Variants in CLEC3A observed in about 807,000 individuals in gnomAD.
The protein encoded by CLEC3A is C-type (calcium dependent, carbohydrate-recognition domain) lectin, superfamily member 1 (cartilage-derived).
CLEC3A carries 28 observed loss-of-function variants against 20.4 expected under a neutral mutation model. That is an observed-to-expected ratio of 1.37 (90% CI 1.02 to 1.88). The LOEUF (loss-of-function observed/expected upper bound fraction) is 1.88. Ranked by LOEUF, CLEC3A falls within the 40% of genes most tolerant of loss-of-function variation. The pLI is 0.00. For missense variants in CLEC3A, 357 were observed against 240.4 expected (o/e 1.48, Z -3.21); for synonymous variants, 110 against 88.1 (o/e 1.25, Z -1.39).
intron 2 of CLEC3A, among the ~76,000 whole-genome samples, 200 bp from the exon 3 acceptor site, chr16:78,030,247 A>G (rs547430717): frequency 1.3e-5 from 2 of 152,242 alleles, no homozygotes; most frequent in South Asian, 4.1e-4. Flanking sequence ...ATAAAATACA[A>G]CTTCATGGGG....
chr16:78,023,369 T>C (rs1044835092), intron 1 of CLEC3A, among the ~76,000 whole-genome samples: 2 of 152,156 alleles, frequency 1.3e-5, no homozygotes, highest in Admixed American at 6.5e-5. Context: ...TTTGAAGGCA[T>C]TGTGATGCAA....
chr16:78,028,763 A>C (rs2029999504), intron 2 of CLEC3A, among the ~76,000 whole-genome samples: 1 of 152,254 alleles, frequency 6.6e-6, no homozygotes, highest in South Asian at 2.1e-4. Context: ...CCTTTGTAGC[A>C]ATTTCAAAAG....
At position 78,028,151 on chromosome 16, in the gene CLEC3A, G is replaced by T; in HGVS notation, c.160G>T (p.Glu54Ter). 1 of 1,611,438 alleles carries T rather than the reference G, an allele frequency of 6.2e-7. No individual in the cohort carries two copies. Among genetic ancestry groups the T allele is most frequent in the African/African-American group, 1.3e-5 (1 of 74,816 alleles). ...GACTCAAATTGAAAAGCTCTGGACAGAAGTCAATGCCTTGAAGGAAATTCA... is the reference window on the plus strand; with the variant it reads ...GACTCAAATTGAAAAGCTCTGGACATAAGTCAATGCCTTGAAGGAAATTCA... Reference protein sequence around the residue: ...LKTQIEKLWTEVNALKEIQAL... With the variant: ...LKTQIEKLWT Residue 54 changes from glutamate to a stop codon, truncating the protein, a stop_gained, in exon 2 of 3, where the codon GAA (glutamate) becomes TAA (stop). Transcript: ENST00000299642. LOFTEE classifies it high-confidence loss of function.
At chr16:78,029,394 A>G (rs920867118) in intron 2 of CLEC3A, among the ~76,000 whole-genome samples, 1 of 152,202 alleles carries the variant, frequency 6.6e-6, no homozygotes, top group Non-Finnish European at 1.5e-5. Context: ...TTTGAGACAG[A>G]GTCTTGCACT....
chr16:78,027,665 G>GT (rs893714854), intron 1 of CLEC3A, among the ~76,000 whole-genome samples: 5 of 150,136 alleles, frequency 3.3e-5, no homozygotes, highest in African/African-American at 1.2e-4. Context: ...TGTTTGTTTG[G>GT]TTTTTTTTCA....
intron 1 of CLEC3A, among the ~76,000 whole-genome samples, chr16:78,023,468 G>A (rs974063023): frequency 1.3e-5 from 2 of 152,062 alleles, no homozygotes; most frequent in Non-Finnish European, 2.9e-5. Flanking sequence ...ATGATAGCGA[G>A]GTGTTTGCAA....
chr16:78,027,465 T>C (rs1420565614), intron 1 of CLEC3A, among the ~76,000 whole-genome samples: 2 of 152,142 alleles, frequency 1.3e-5, no homozygotes, highest in African/African-American at 2.4e-5. Context: ...GAGATTGAGC[T>C]CATTCTCAGA....
At chr16:78,023,082 C>A (rs1346988249) in intron 1 of CLEC3A, among the ~76,000 whole-genome samples, 8 of 152,212 alleles carry the variant, frequency 5.3e-5, no homozygotes, top group South Asian at 4.1e-4. Flanking sequence ...TAATATGGGG[C>A]AAGAAGAATG....
rs1209052389 is a variant in CLEC3A, at chr16:78,030,601, T to C, written c.354T>C (p.Gly118=). The C allele has an allele frequency of 1.9e-6, 3 of 1,613,570 alleles. No individual in the cohort carries two copies. Among genetic ancestry groups the C allele is most frequent in the East Asian group, 2.2e-5 (1 of 44,870 alleles). The change falls in exon 3 of 3, where the codon GGT becomes GGC. Residue 118 remains glycine, a synonymous_variant. Transcript: ENST00000299642. The part of the protein sequence containing the change: ...SDEINALQDY[G]KRSLPGVNDF... ...AAATCAACGCCCTCCAAGACTATGGTAAAAGGAGCCTGCCAGGTGTCAATG... is the reference window on the plus strand; with the variant it reads ...AAATCAACGCCCTCCAAGACTATGGCAAAAGGAGCCTGCCAGGTGTCAATG...
chr16:78,031,886 GCTTA>G lies in CLEC3A; in HGVS notation c.*1046_*1049del, dbSNP rs1446265170. 6.6e-6 allele frequency: 1 copy of G among 152,302 alleles called. No individual in the cohort carries two copies. The highest frequency in any genetic ancestry group is 1.5e-5 in the Non-Finnish European group (1 of 68,008). 9.4% of individuals were successfully genotyped at this position (152,302 alleles called of 1,614,324 possible). On this transcript the variant is annotated 3_prime_UTR_variant, in exon 3 of 3. Transcript: ENST00000299642. ...CTAGATTGTACAAAATAACTTCATT[GCTTA>G]ATATCAAATTACAAAGTTTAGACTT...
intron 1 of CLEC3A, among the ~76,000 whole-genome samples, chr16:78,024,274 C>T (rs1453936778): frequency 6.6e-6 from 1 of 152,100 alleles, no homozygotes. Context: ...GAGTGGCGAT[C>T]ACCCAGTAGG....
chr16:78,030,627 A>C lies in CLEC3A; in HGVS notation c.380A>C (p.Asp127Ala). Reference protein sequence around the residue: ...YGKRSLPGVNDFWLGINDMVT... With the variant: ...YGKRSLPGVNAFWLGINDMVT... ...AAAAGGAGCCTGCCAGGTGTCAATG[A>C]CTTTTGGCTGGGCATCAATGACATG... The change falls in exon 3 of 3, where the codon GAC (aspartate) becomes GCC (alanine). Residue 127 changes from aspartate to alanine, a missense_variant. Physicochemically the swap from Asp to Ala is moderately radical, Grantham distance 126 (BLOSUM62 -2). Transcript: ENST00000299642. 4.3e-6 allele frequency: 7 copies of C among 1,614,050 alleles called. No individual in the cohort carries two copies. Among genetic ancestry groups the C allele is most frequent in the Non-Finnish European group, 5.9e-6 (7 of 1,180,010 alleles).
intron 2 of CLEC3A, chr16:78,029,006 T>C: frequency 2.5e-6 from 1 of 406,744 alleles, no homozygotes; most frequent in Non-Finnish European, 4.8e-6. Context: ...GTCAAATGCT[T>C]ATGCAGAAGG....
Position 78,030,844 on chromosome 16 carries a change from C to A in CLEC3A, c.*3C>A. 6.2e-7 allele frequency: 1 copy of A among 1,603,602 alleles called. No individual in the cohort carries two copies. The highest frequency in any genetic ancestry group is 8.5e-7 in the Non-Finnish European group (1 of 1,174,018). On this transcript the variant is annotated 3_prime_UTR_variant, in exon 3 of 3. Transcript: ENST00000299642. ...GCGAGTTCACCATCCCTCAATAGGT[C>A]TTTCTCCAATGTGTCCTCCAAGCAA...
At chr16:78,030,413 G>A in intron 2 of CLEC3A, 34 bp from the exon 3 acceptor site, 1 of 1,543,704 alleles carries the variant, frequency 6.5e-7, no homozygotes. Flanking sequence ...CACTCAAAAT[G>A]CATCTTAATA....
chr16:78,028,595 G>A (rs934776688), intron 2 of CLEC3A, among the ~76,000 whole-genome samples: 2 of 152,218 alleles, frequency 1.3e-5, no homozygotes, highest in Non-Finnish European at 2.9e-5. Flanking sequence ...TAGAACCGCA[G>A]CTTGCCAACA....
chr16:78,028,088 A>G lies in CLEC3A; in HGVS notation c.116-19A>G, dbSNP rs374798168. ...GCTTTTCATCCACCTACCCCATCCC[A>G]CCCTAAAATTTTCCCCAGACAAGGA... On this transcript the variant is annotated intron_variant, in intron 1 of 2. Transcript: ENST00000299642. 220 of 1,574,262 alleles carry G rather than the reference A, an allele frequency of 1.4e-4. No individual in the cohort carries two copies. The African/African-American group carries it at 2.8e-3, about 20-fold the overall frequency.
chr16:78,028,812 A>G (rs2030000953), intron 2 of CLEC3A, among the ~76,000 whole-genome samples: 1 of 152,246 alleles, frequency 6.6e-6, no homozygotes, highest in Non-Finnish European at 1.5e-5. Flanking sequence ...CTGCCTCATT[A>G]CAAGTTACTG....
chr16:78,023,728 T>A (rs1259327333), intron 1 of CLEC3A, among the ~76,000 whole-genome samples: 1 of 151,936 alleles, frequency 6.6e-6, no homozygotes, highest in Non-Finnish European at 1.5e-5. Context: ...GGACATTTAT[T>A]TACAAAATTT....
Sources: allele counts gnomAD v4.1 joint callset (sites outside exome capture counted in the v4.1 genomes callset), GRCh38; gene constraint gnomAD v4.1.1; transcripts MANE v1.5; gene names NCBI Gene and HGNC (gene_info 2026-07-23, HGNC 2026-07-21).